The following DDAH1 variants were observed in gnomAD, a reference collection of about 807,000 sequenced individuals.
DDAH1 encodes N(G),N(G)-dimethylarginine dimethylaminohydrolase 1.
In DDAH1, 19 loss-of-function variants were observed where a neutral mutation model predicts 28.8. That is an observed-to-expected ratio of 0.66 (90% CI 0.46 to 0.97). The LOEUF is 0.97. Ranked by LOEUF, DDAH1 falls within the 50% of genes least tolerant of loss-of-function variation. DDAH1 has a pLI of 0.00. For synonymous variants in DDAH1, 153 were observed against 154.4 expected, an observed-to-expected ratio of 0.99 and a Z score of 0.07; for missense variants, 326 against 375.9, an observed-to-expected ratio of 0.87 and a Z score of 1.10.
At chr1:85,393,531 C>T (rs982283931) in intron 1 of DDAH1, among the ~76,000 whole-genome samples, 3 of 152,126 alleles carry the variant, frequency 2.0e-5, no homozygotes, top group African/African-American at 7.2e-5. Flanking sequence ...ATTTAAAAAC[C>T]CCTTGTAAAA....
At chr1:85,540,654 T>C (rs1285647302) in intron 1 of DDAH1, among the ~76,000 whole-genome samples, 1 of 152,078 alleles carries the variant, frequency 6.6e-6, no homozygotes, top group East Asian at 1.9e-4. Context: ...TGTAACCGGC[T>C]CTTTAAAAAT....
rs144757738 is a variant in DDAH1, at chr1:85,503,901, A to T, written c.-122-7620T>A. Among the ~76,000 whole-genome samples, 86 of 152,270 alleles carry T rather than the reference A, an allele frequency of 5.6e-4. 1 individual carries two copies. Among genetic ancestry groups the T allele is most frequent in the African/African-American group, 1.7e-3 (71 of 41,558 alleles). On this transcript the variant is annotated intron_variant, in intron 1 of 6. Transcript: ENST00000426972. ...GAGGGAGAACTTCAGTATTGCTGCA[A>T]TGTAACGATCCAGGAGGTGAATCAC...
At chr1:85,497,969 A>G (rs1349423391) in intron 1 of DDAH1, among the ~76,000 whole-genome samples, 1 of 152,214 alleles carries the variant, frequency 6.6e-6, no homozygotes, top group Non-Finnish European at 1.5e-5. Flanking sequence ...TATAATTACC[A>G]GCATCTCTCT....
chr1:85,570,393 C>CACACACAG (rs769024187), intron 1 of DDAH1, among the ~76,000 whole-genome samples: 1 of 151,012 alleles, frequency 6.6e-6, no homozygotes, highest in Non-Finnish European at 1.5e-5. Context: ...CACACACACA[C>CACACACAG]ACATCTCAGT....
intron 2 of DDAH1, among the ~76,000 whole-genome samples, chr1:85,476,072 G>T (rs1283224337): frequency 6.6e-6 from 1 of 152,126 alleles, no homozygotes; most frequent in Non-Finnish European, 1.5e-5. Context: ...ATATTGCCCA[G>T]GCTGGTCTCA....
At chr1:85,329,522 A>G (rs1231287150) in intron 4 of DDAH1, among the ~76,000 whole-genome samples, 2 of 152,236 alleles carry the variant, frequency 1.3e-5, no homozygotes, top group African/African-American at 2.4e-5. Flanking sequence ...AAAGGCCAGT[A>G]CCTACTTTAG....
At chr1:85,323,863 G>A (rs1277546474) in intron 5 of DDAH1, among the ~76,000 whole-genome samples, 7 of 151,252 alleles carry the variant, frequency 4.6e-5, no homozygotes, top group African/African-American at 1.2e-4. Context: ...CCAGCTACTC[G>A]GGAGGCTGAG....
intron 1 of DDAH1, among the ~76,000 whole-genome samples, chr1:85,513,242 A>C (rs1026193957): frequency 5.3e-5 from 8 of 152,178 alleles, no homozygotes; most frequent in African/African-American, 9.7e-5. Context: ...CAAAAAGAAG[A>C]AATGGGGAAA....
chr1:85,354,547 T>C (rs1649389466), intron 2 of DDAH1, among the ~76,000 whole-genome samples: 1 of 152,164 alleles, frequency 6.6e-6, no homozygotes, highest in Non-Finnish European at 1.5e-5. Flanking sequence ...TTGGTCTACT[T>C]GAAATGAAAT....
intron 1 of DDAH1, among the ~76,000 whole-genome samples, chr1:85,543,483 T>C (rs1323399139): frequency 6.6e-6 from 1 of 152,166 alleles, no homozygotes; most frequent in Non-Finnish European, 1.5e-5. Flanking sequence ...ATGACAAAAG[T>C]TGATCACTTC....
chr1:85,410,637 C>CA (rs10630765), intron 1 of DDAH1, among the ~76,000 whole-genome samples: 22,649 of 141,990 alleles, frequency 0.16, 2,122 homozygotes, highest in Admixed American at 0.22. Flanking sequence ...AGCTCTGCCT[C>CA]AAAAAAAAAA....
At chr1:85,513,281 G>A (rs1336556121) in intron 1 of DDAH1, among the ~76,000 whole-genome samples, 1 of 152,148 alleles carries the variant, frequency 6.6e-6, no homozygotes, top group African/African-American at 2.4e-5. Flanking sequence ...ATGGTGCTGG[G>A]GAAACTGGCT....
At chr1:85,466,832 C>CTTTTTTTTTTTTT (rs10675813), upstream of DDAH1, among the ~76,000 whole-genome samples, 466 of 70,700 alleles carry the variant, frequency 6.6e-3, 49 homozygotes, top group Non-Finnish European at 7.7e-3. Flanking sequence ...ATTATTTATT[C>CTTTTTTTTTTTTT]TTTTTTTTTT....
At chr1:85,468,593 C>T (rs149635670), upstream of DDAH1, among the ~76,000 whole-genome samples, 26,487 of 150,556 alleles carry the variant, frequency 0.18, 2,782 homozygotes, top group Middle Eastern at 0.3. Context: ...AATCTCGGCT[C>T]ACTGCAAGCT....
chr1:85,514,789 C>T (rs1175534148), intron 1 of DDAH1, among the ~76,000 whole-genome samples: 1 of 152,116 alleles, frequency 6.6e-6, no homozygotes, highest in Non-Finnish European at 1.5e-5. Context: ...TGTATCATGC[C>T]TCCATAAATC....
intron 4 of DDAH1, among the ~76,000 whole-genome samples, chr1:85,334,101 C>T (rs758990870): frequency 6.6e-5 from 10 of 152,114 alleles, no homozygotes; most frequent in East Asian, 1.9e-4. Context: ...ATCACGGGGA[C>T]GGTTCCGCAC....
At chr1:85,398,500 T>C (rs1032691897) in intron 1 of DDAH1, 1 of 152,182 alleles carries the variant, frequency 6.6e-6, no homozygotes, top group Non-Finnish European at 1.5e-5. Context: ...ACCTCCAGTA[T>C]CTAGCTTCAA....
intron 1 of DDAH1, among the ~76,000 whole-genome samples, chr1:85,534,105 T>C (rs1387046646): frequency 6.6e-6 from 1 of 152,126 alleles, no homozygotes; most frequent in African/African-American, 2.4e-5. Context: ...GAAGAAAAAC[T>C]TACTCTTAGA....
chr1:85,465,123 G>A lies in DDAH1; in HGVS notation c.-78C>T. The A allele has an allele frequency of 8.5e-7, 1 of 1,176,354 alleles. No individual in the cohort carries two copies. Among genetic ancestry groups the A allele is most frequent in the South Asian group, 4.2e-5 (1 of 23,924 alleles). The allele number at this position is 1,176,354 out of a possible 1,614,324, so 72.9% of individuals were successfully genotyped here. A position where few individuals can be genotyped will look rare whatever the true frequency, so the allele number is the denominator to read the frequency against. On this transcript the variant is annotated 5_prime_UTR_variant, in exon 1 of 6. Coordinates refer to ENST00000284031, the MANE Select transcript of DDAH1 (RefSeq NM_012137.4). ...CGCGGGCAGCGCGCGCTGAGCCTGC[G>A]AGCGCCCGTCGGCTCCTCTTGGCAG...
Sources: allele counts gnomAD v4.1 joint callset (sites outside exome capture counted in the v4.1 genomes callset), GRCh38; gene constraint gnomAD v4.1.1; transcripts MANE v1.5; gene names NCBI Gene and HGNC (gene_info 2026-07-23, HGNC 2026-07-21).